Variants in RANBP17 observed in about 807,000 individuals in gnomAD.
RANBP17 encodes the protein RAN binding protein 17.
RANBP17 carries 158 observed loss-of-function variants against 141.2 expected under a neutral mutation model. The observed-to-expected ratio is 1.12, with a 90% confidence interval of 0.98 to 1.28. The LOEUF (loss-of-function observed/expected upper bound fraction) is 1.28, where lower values mean the gene tolerates loss of function less well. Among genes scored for constraint, RANBP17 ranks in the 50% most tolerant of loss-of-function variants. The pLI is 0.00. For missense variants in RANBP17, 1,438 were observed against 1,290.7 expected (o/e 1.11, Z -1.75); for synonymous variants, 430 against 450.0 (o/e 0.96, Z 0.56).
intron 14 of RANBP17, among the ~76,000 whole-genome samples, chr5:170,984,626 AAAAAAC>A: frequency 6.6e-6 from 1 of 152,168 alleles, no homozygotes; most frequent in East Asian, 1.9e-4. Flanking sequence ...ACCCTGTCTC[AAAAAAC>A]AAAAACAAAA....
intron 12 of RANBP17, 93 bp downstream of exon 12, chr5:170,924,643 G>T: frequency 2.5e-6 from 2 of 812,290 alleles, no homozygotes; most frequent in South Asian, 2.8e-5. Flanking sequence ...TTATTTTTAT[G>T]TATTTTCCCC....
At chr5:171,169,252 TGA>T (rs2127878398) in intron 14 of RANBP17, among the ~76,000 whole-genome samples, 1 of 152,116 alleles carries the variant, frequency 6.6e-6, no homozygotes, top group South Asian at 2.1e-4. Flanking sequence ...TAGGAGAAAG[TGA>T]GAGAACACAA....
intron 22 of RANBP17, among the ~76,000 whole-genome samples, chr5:171,228,466 G>C (rs538156166): frequency 1.3e-5 from 2 of 152,334 alleles, no homozygotes; most frequent in Non-Finnish European, 2.9e-5. Context: ...GATGACCAAA[G>C]AAAGTGGTGT....
At chr5:170,931,425 G>A (rs1192946386) in intron 12 of RANBP17, among the ~76,000 whole-genome samples, 1 of 152,150 alleles carries the variant, frequency 6.6e-6, no homozygotes, top group African/African-American at 2.4e-5. Flanking sequence ...GATCCAATTT[G>A]TCAATTTTGT....
chr5:170,887,040 G>C (rs1769225471), intron 3 of RANBP17, among the ~76,000 whole-genome samples: 1 of 152,074 alleles, frequency 6.6e-6, no homozygotes, highest in Admixed American at 6.6e-5. Context: ...CCATGCATAA[G>C]TGGTTCTCTA....
At chr5:171,136,194 T>C (rs537569707) in intron 14 of RANBP17, among the ~76,000 whole-genome samples, 5 of 152,336 alleles carry the variant, frequency 3.3e-5, no homozygotes, top group African/African-American at 1.2e-4. Flanking sequence ...ATTTTTTTCC[T>C]TTTAATTTGT....
chr5:171,081,269 A>C (rs1162524154), intron 14 of RANBP17, among the ~76,000 whole-genome samples: 1 of 152,116 alleles, frequency 6.6e-6, no homozygotes, highest in African/African-American at 2.4e-5. Flanking sequence ...AACTAATATA[A>C]GTGATGGCCT....
intron 14 of RANBP17, among the ~76,000 whole-genome samples, chr5:171,010,320 T>C (rs1003699560): frequency 6.6e-6 from 1 of 152,194 alleles, no homozygotes; most frequent in African/African-American, 2.4e-5. Flanking sequence ...ACAGTATGGA[T>C]CTTATCCTAT....
At chr5:170,977,328 A>T (rs572617949) in intron 14 of RANBP17, among the ~76,000 whole-genome samples, 15 of 149,138 alleles carry the variant, frequency 1.0e-4, no homozygotes, top group East Asian at 9.7e-4. Flanking sequence ...GAATATGATT[A>T]AAAAAAAAAG....
At chr5:171,206,562 A>G (rs553987146) in intron 20 of RANBP17, 29 of 164,216 alleles carry the variant, frequency 1.8e-4, no homozygotes, top group African/African-American at 6.4e-4. Flanking sequence ...TCTGAAAGCT[A>G]ATTTACTTTT....
chr5:170,876,779 C>A (rs994066958), intron 1 of RANBP17, among the ~76,000 whole-genome samples: 1 of 152,182 alleles, frequency 6.6e-6, no homozygotes, highest in East Asian at 1.9e-4. Context: ...GGTATATGCA[C>A]ATGAGGGAAT....
chr5:170,973,959 T>C (rs1245132574), intron 14 of RANBP17, among the ~76,000 whole-genome samples: 6 of 152,214 alleles, frequency 3.9e-5, no homozygotes, highest in Non-Finnish European at 7.3e-5. Context: ...AATATCATCA[T>C]GCTGGGAATT....
intron 16 of RANBP17, among the ~76,000 whole-genome samples, chr5:171,175,462 C>A (rs1760386169): frequency 6.6e-6 from 1 of 152,032 alleles, no homozygotes; most frequent in Non-Finnish European, 1.5e-5. Context: ...TGTTTCCTGT[C>A]TTTTTAATGA....
chr5:171,093,242 C>T (rs1429706485), intron 14 of RANBP17, among the ~76,000 whole-genome samples: 1 of 151,388 alleles, frequency 6.6e-6, no homozygotes, highest in African/African-American at 2.4e-5. Flanking sequence ...CATTTTTATA[C>T]ATATCACGGA....
intron 14 of RANBP17, among the ~76,000 whole-genome samples, chr5:171,098,502 A>T (rs1786869810): frequency 6.6e-6 from 1 of 151,800 alleles, no homozygotes; most frequent in South Asian, 2.1e-4. Flanking sequence ...TTTTCTTGTA[A>T]ATTTGTTTAA....
At chr5:170,871,500 A>G (rs1281321263) in intron 1 of RANBP17, among the ~76,000 whole-genome samples, 3 of 152,126 alleles carry the variant, frequency 2.0e-5, no homozygotes, top group Middle Eastern at 3.4e-3. Flanking sequence ...ATGATAGTTT[A>G]TTTTGCTATG....
intron 14 of RANBP17, among the ~76,000 whole-genome samples, chr5:171,117,046 T>A (rs567865511): frequency 5.9e-5 from 9 of 152,356 alleles, no homozygotes; most frequent in African/African-American, 1.9e-4. Flanking sequence ...TACCACATTT[T>A]CTTTATCCAT....
At chr5:171,072,025 C>T (rs1029028752) in intron 14 of RANBP17, among the ~76,000 whole-genome samples, 1 of 152,086 alleles carries the variant, frequency 6.6e-6, no homozygotes, top group African/African-American at 2.4e-5. Flanking sequence ...ATACAAAGGA[C>T]TCTGAAGAAC....
intron 14 of RANBP17, among the ~76,000 whole-genome samples, chr5:171,065,601 G>C (rs902299712): frequency 3.3e-5 from 5 of 151,954 alleles, no homozygotes; most frequent in African/African-American, 1.2e-4. Context: ...GCCCTACACT[G>C]TGTATTAACC....
Sources: gnomAD v4.1 joint callset for allele counts (sites outside exome capture counted in the v4.1 genomes callset) on GRCh38, gnomAD v4.1.1 for gene constraint, MANE v1.5 for transcripts, NCBI Gene and HGNC (gene_info 2026-07-23, HGNC 2026-07-21) for gene names.